The following GRIP1 variants were observed in gnomAD, a reference collection of about 807,000 sequenced individuals.
GRIP1 encodes glutamate receptor interacting protein 1, also known as glutamate receptor-interacting protein 1.
A neutral mutation model predicts 129.9 loss-of-function variants in GRIP1; 45 were observed. That is an observed-to-expected ratio of 0.35 (90% CI 0.27 to 0.44). The LOEUF (loss-of-function observed/expected upper bound fraction) is 0.44. GRIP1 is among the 20% of genes least tolerant of loss of function. The pLI, the probability that GRIP1 is intolerant of heterozygous loss-of-function variation, is 1.00. For missense variants in GRIP1, 1,196 were observed against 1,396.8 expected (o/e 0.86, Z 2.29); for synonymous variants, 530 against 520.8 (o/e 1.02, Z -0.24).
At chr12:66,771,146 G>A (rs1367170922) in intron 1 of GRIP1, among the ~76,000 whole-genome samples, 3 of 152,070 alleles carry the variant, frequency 2.0e-5, no homozygotes, top group African/African-American at 7.2e-5. Flanking sequence ...ATATGTTGTA[G>A]TTTATCATTC....
intron 1 of GRIP1, among the ~76,000 whole-genome samples, chr12:67,043,131 G>A (rs1260638495): frequency 6.6e-6 from 1 of 152,192 alleles, no homozygotes; most frequent in Non-Finnish European, 1.5e-5. Context: ...CTGCAGGCGA[G>A]AGTGAGGTCC....
At chr12:66,902,681 C>T (rs2040861881) in intron 1 of GRIP1, among the ~76,000 whole-genome samples, 1 of 152,168 alleles carries the variant, frequency 6.6e-6, no homozygotes, top group Admixed American at 6.5e-5. Flanking sequence ...ATACCAATGA[C>T]TTAATATGGG....
At chr12:66,679,555 A>G (rs183807286), upstream of GRIP1, among the ~76,000 whole-genome samples, 7 of 152,012 alleles carry the variant, frequency 4.6e-5, no homozygotes, top group East Asian at 1.4e-3. Context: ...TAGGACAGAG[A>G]CCTCTTTGGT....
chr12:66,932,066 T>A (rs2041404661), intron 1 of GRIP1, among the ~76,000 whole-genome samples: 1 of 152,078 alleles, frequency 6.6e-6, no homozygotes, highest in Non-Finnish European at 1.5e-5. Flanking sequence ...CATTAAATAT[T>A]TCCTTTCATA....
intron 11 of GRIP1, among the ~76,000 whole-genome samples, chr12:66,449,797 C>T (rs1276565493): frequency 6.6e-6 from 1 of 152,154 alleles, no homozygotes; most frequent in African/African-American, 2.4e-5. Flanking sequence ...GTTACAGCAT[C>T]ACCTATTTGG....
rs530792276 is a variant in GRIP1 at position 66,500,259 on chromosome 12, T to C, written c.724+15360A>G. On this transcript the variant is annotated intron_variant, in intron 7 of 24. Coordinates refer to ENST00000359742, the MANE Select transcript of GRIP1 (RefSeq NM_001366722.1). ...TTAGAACGGTCACACATCCAGTAAG[T>C]TGCAGAGCCAGGAAACAAATCTGAG... is the stretch of plus-strand genomic sequence containing the variant. Among the ~76,000 whole-genome samples the C allele has an allele frequency of 1.6e-3, 246 of 152,298 alleles. 2 individuals carry two copies. Among genetic ancestry groups the C allele is most frequent in the African/African-American group, 5.5e-3 (229 of 41,570 alleles).
chr12:66,599,496 C>T (rs187940948), intron 1 of GRIP1, among the ~76,000 whole-genome samples: 1 of 152,266 alleles, frequency 6.6e-6, no homozygotes, highest in African/African-American at 2.4e-5. Flanking sequence ...GGCACCATGG[C>T]CTTTTATAAA....
chr12:67,021,144 G>T (rs1471168700), intron 1 of GRIP1, among the ~76,000 whole-genome samples: 1 of 152,056 alleles, frequency 6.6e-6, no homozygotes, highest in Non-Finnish European at 1.5e-5. Context: ...TAAGCTCTTG[G>T]ACATATATAC....
intron 1 of GRIP1, among the ~76,000 whole-genome samples, chr12:66,722,137 A>T (rs958580400): frequency 6.6e-6 from 1 of 152,164 alleles, no homozygotes; most frequent in African/African-American, 2.4e-5. Flanking sequence ...TTTCCTTTGC[A>T]TTCACAACTT....
At position 66,347,840 on chromosome 12, in the gene GRIP1, G is replaced by GA. The variant is rs751019329; in HGVS notation, c.*1178dup. The GA allele has an allele frequency of 1.2e-4, 18 of 152,086 alleles. No homozygotes were observed. Among genetic ancestry groups the GA allele is most frequent in the Non-Finnish European group, 2.4e-4 (16 of 68,002 alleles). 9.4% of individuals were successfully genotyped at this position (152,086 alleles called of 1,614,324 possible). On this transcript the variant is annotated 3_prime_UTR_variant, in exon 25 of 25. Coordinates refer to ENST00000359742, the MANE Select transcript of GRIP1 (RefSeq NM_001366722.1). ...GGTAGTTTGAATTATTGACCAAAAT[G>GA]AAAATGTTTGGAAAATAATCATTTC...
chr12:66,724,979 C>G (rs951033310), intron 1 of GRIP1, among the ~76,000 whole-genome samples: 1 of 152,090 alleles, frequency 6.6e-6, no homozygotes, highest in Non-Finnish European at 1.5e-5. Context: ...AACAAGAGAG[C>G]CTTTTAAAAA....
intron 1 of GRIP1, among the ~76,000 whole-genome samples, chr12:66,845,785 A>C (rs1015325571): frequency 2.0e-5 from 3 of 152,208 alleles, no homozygotes; most frequent in Non-Finnish European, 4.4e-5. Context: ...CTATTCTGAA[A>C]GACAGAAAAG....
rs112833816 is a variant in GRIP1 at position 66,746,559 on chromosome 12, T to G, written c.-420+57494A>C. ...AGAAAGCTGTTGTTAAGGCACTAAG[T>G]GGGAACATGTCTTTCTCCACCTTTG... On this transcript the variant is annotated intron_variant, in intron 1 of 4. Coordinates refer to the GRIP1 transcript ENST00000538373. Among the ~76,000 whole-genome samples, 1,296 of 152,258 alleles carry G rather than the reference T, an allele frequency of 8.5e-3. 10 individuals carry two copies. Among genetic ancestry groups the G allele is most frequent in the Non-Finnish European group, 0.013 (916 of 68,032 alleles).
intron 1 of GRIP1, among the ~76,000 whole-genome samples, chr12:66,621,224 T>G (rs990449186): frequency 6.6e-6 from 1 of 152,110 alleles, no homozygotes. Context: ...TTTTTTATCA[T>G]CCCAAACTGA....
chr12:66,444,616 T>C lies in GRIP1; in HGVS notation c.1655A>G (p.Lys552Arg), dbSNP rs1442590081. 3 of 1,613,976 alleles carry C rather than the reference T, an allele frequency of 1.9e-6. No individual in the cohort carries two copies. The highest frequency in any genetic ancestry group is 2.5e-6 in the Non-Finnish European group (3 of 1,180,012). ...QLLRDSSITS[K>R]VTLEIEFDVA... Reference sequence around the variant, plus strand: ...ATCAAACTCGATTTCCAGTGTGACCTTGCTCGTGATTGAAGAGTCTCGGAG... The same window carrying C: ...ATCAAACTCGATTTCCAGTGTGACCCTGCTCGTGATTGAAGAGTCTCGGAG... The change falls in exon 13 of 25, where the codon AAG becomes AGG. Residue 552 changes from lysine to arginine, a missense_variant. Physicochemically the swap from Lys to Arg is conservative, Grantham distance 26. Transcript: ENST00000359742.
chr12:66,536,530 CT>C (rs1438014464), intron 4 of GRIP1, among the ~76,000 whole-genome samples: 1 of 152,116 alleles, frequency 6.6e-6, no homozygotes, highest in Non-Finnish European at 1.5e-5. Context: ...TCCGGGAACT[CT>C]TTTCCCCCAG....
intron 1 of GRIP1, among the ~76,000 whole-genome samples, chr12:66,831,184 A>G (rs1170279665): frequency 6.6e-6 from 1 of 152,110 alleles, no homozygotes; most frequent in Non-Finnish European, 1.5e-5. Flanking sequence ...CTATTGCTCA[A>G]AAAAAGTAAT....
At chr12:66,858,826 T>C (rs952254198) in intron 1 of GRIP1, among the ~76,000 whole-genome samples, 4 of 151,882 alleles carry the variant, frequency 2.6e-5, no homozygotes, top group Non-Finnish European at 4.4e-5. Context: ...GAAATACTAA[T>C]TGAAGTGGAG....
intron 1 of GRIP1, among the ~76,000 whole-genome samples, chr12:66,894,592 G>A (rs1199214718): frequency 6.6e-6 from 1 of 152,128 alleles, no homozygotes; most frequent in East Asian, 1.9e-4. Flanking sequence ...ATGATCACTG[G>A]CCCTGACACA....
Sources: gnomAD v4.1 joint callset for allele counts (sites outside exome capture counted in the v4.1 genomes callset) on GRCh38, gnomAD v4.1.1 for gene constraint, MANE v1.5 for transcripts, NCBI Gene and HGNC (gene_info 2026-07-23, HGNC 2026-07-21) for gene names.